The following CALD1 variants were observed in gnomAD, a reference collection of about 807,000 sequenced individuals.
CALD1 encodes the protein caldesmon.
Under a neutral mutation model 99.9 loss-of-function variants are expected in CALD1, and 33 were observed. That is an observed-to-expected ratio of 0.33 (90% CI 0.25 to 0.44). The LOEUF (loss-of-function observed/expected upper bound fraction) is 0.44. Among genes scored for constraint, CALD1 ranks in the 20% least tolerant of loss-of-function variants. The pLI is 1.00. For synonymous variants in CALD1, 310 were observed against 325.0 expected (o/e 0.95, Z 0.50); for missense variants, 861 against 962.1 (o/e 0.89, Z 1.39).
chr7:134,780,138 C>G (rs1208428283), intron 1 of CALD1, among the ~76,000 whole-genome samples: 1 of 152,140 alleles, frequency 6.6e-6, no homozygotes, highest in Non-Finnish European at 1.5e-5. Flanking sequence ...CTTTTATTGC[C>G]AAAGATTTGA....
intron 2 of CALD1, among the ~76,000 whole-genome samples, chr7:134,850,708 G>A (rs1800040386): frequency 6.6e-6 from 1 of 152,134 alleles, no homozygotes; most frequent in Non-Finnish European, 1.5e-5. Flanking sequence ...GCAACCCAGG[G>A]CCCATGCTGC....
intron 3 of CALD1, among the ~76,000 whole-genome samples, chr7:134,873,784 G>A (rs2132371013): frequency 6.6e-6 from 1 of 152,284 alleles, no homozygotes; most frequent in East Asian, 1.9e-4. Flanking sequence ...CAAAATGGGG[G>A]TAGTAAAAGT....
At chr7:134,842,568 TGTTA>T (rs1368204450) in intron 1 of CALD1, among the ~76,000 whole-genome samples, 2 of 152,222 alleles carry the variant, frequency 1.3e-5, no homozygotes, top group African/African-American at 4.8e-5. Context: ...TGGGTCTTCT[TGTTA>T]GTTATTTACA....
At position 134,933,565 on chromosome 7, in the gene CALD1, G is replaced by A. The variant is rs1451926997; in HGVS notation, c.796G>A (p.Glu266Lys). ...GGAAGAGGAAGACAAGGAAAGAGCT[G>A]AGGCAGAGAGGGCAAGGTTGGAAGC... ...KMEEEDKERAEAERARLEAEE... is the reference protein window; with the variant it reads ...KMEEEDKERAKAERARLEAEE... Residue 266 changes from glutamate (E) to lysine (K), a missense_variant, in exon 5 of 15, where the codon GAG becomes AAG. Around this residue, in one of 5 missense-constraint regions of CALD1, gnomAD observed 234 missense variants for 233.1 expected, o/e 1.00. Transcript: ENST00000361675. The A allele has an allele frequency of 6.2e-7, 1 of 1,613,594 alleles. No individual in the cohort carries two copies. Among genetic ancestry groups the A allele is most frequent in the African/African-American group, 1.3e-5 (1 of 74,916 alleles).
chr7:134,837,293 T>C (rs1378387806), intron 1 of CALD1, among the ~76,000 whole-genome samples: 3 of 151,924 alleles, frequency 2.0e-5, no homozygotes, highest in African/African-American at 7.2e-5. Context: ...CTAGGTACTT[T>C]ATATGTTATC....
chr7:134,713,580 T>C, the CALD1 span, among the ~76,000 whole-genome samples: 1 of 152,156 alleles, frequency 6.6e-6, no homozygotes, highest in Non-Finnish European at 1.5e-5. Context: ...TTTTTTTAAA[T>C]TGAATTAGTA....
intron 5 of CALD1, among the ~76,000 whole-genome samples, chr7:134,935,293 A>G (rs1049768172): frequency 6.6e-6 from 1 of 152,202 alleles, no homozygotes; most frequent in Non-Finnish European, 1.5e-5. Flanking sequence ...ATGCTTTCAC[A>G]TTCACCTTTC....
chr7:134,726,145 A>C, the CALD1 span, among the ~76,000 whole-genome samples: 2 of 152,092 alleles, frequency 1.3e-5, no homozygotes, highest in East Asian at 3.9e-4. Flanking sequence ...CTAACAAGAT[A>C]AAATCCACAA....
chr7:134,846,916 T>C (rs941801305), intron 2 of CALD1, among the ~76,000 whole-genome samples: 2 of 152,240 alleles, frequency 1.3e-5, no homozygotes, highest in African/African-American at 4.8e-5. Flanking sequence ...AAATTACTAA[T>C]TATATCAAAT....
At chr7:134,825,957 A>C (rs1798973553) in intron 1 of CALD1, among the ~76,000 whole-genome samples, 1 of 152,010 alleles carries the variant, frequency 6.6e-6, no homozygotes, top group Non-Finnish European at 1.5e-5. Context: ...AGGTTTCAAG[A>C]ATCTCCAAAC....
chr7:134,941,746 C>T (rs942979476), intron 7 of CALD1, among the ~76,000 whole-genome samples: 3 of 152,130 alleles, frequency 2.0e-5, no homozygotes, highest in African/African-American at 7.2e-5. Flanking sequence ...TTCTTTACCA[C>T]ATGACTTTGA....
At chr7:134,717,331 C>T in the CALD1 span, among the ~76,000 whole-genome samples, 1 of 152,112 alleles carries the variant, frequency 6.6e-6, no homozygotes, top group Non-Finnish European at 1.5e-5. Flanking sequence ...GTGTCACCAC[C>T]CAAAGGACCA....
the CALD1 span, among the ~76,000 whole-genome samples, chr7:134,735,633 T>C: frequency 6.6e-6 from 1 of 151,202 alleles, no homozygotes; most frequent in Non-Finnish European, 1.5e-5. Context: ...AACTTGTTCT[T>C]AGCAGAAATA....
At chr7:134,929,277 A>G (rs1338207986) in intron 4 of CALD1, among the ~76,000 whole-genome samples, 2 of 152,024 alleles carry the variant, frequency 1.3e-5, no homozygotes, top group Non-Finnish European at 2.9e-5. Context: ...TTGGGGGAAC[A>G]GGTGGGGTTT....
chr7:134,881,262 G>A (rs1387255608), intron 3 of CALD1, among the ~76,000 whole-genome samples: 1 of 152,104 alleles, frequency 6.6e-6, no homozygotes, highest in Non-Finnish European at 1.5e-5. Context: ...TCAGTGGCAG[G>A]GTCAAATCTG....
chr7:134,967,718 G>GA (rs1008458761), intron 14 of CALD1, among the ~76,000 whole-genome samples: 6 of 151,730 alleles, frequency 4.0e-5, no homozygotes, highest in Admixed American at 1.3e-4. Context: ...GCTTAAAAAT[G>GA]AAAAAAACAA....
chr7:134,952,574 G>A (rs546249818), intron 9 of CALD1, among the ~76,000 whole-genome samples: 2 of 151,448 alleles, frequency 1.3e-5, no homozygotes, highest in African/African-American at 4.8e-5. Context: ...AGGTTCAAGC[G>A]ATTCTTCTGC....
chr7:134,770,031 A>ATGG (rs1796864274), intron 1 of CALD1, among the ~76,000 whole-genome samples: 1 of 151,998 alleles, frequency 6.6e-6, no homozygotes, highest in Admixed American at 6.5e-5. Context: ...TTTGAACAGA[A>ATGG]ATTTTTATTT....
At chr7:134,742,446 C>T (rs927465907), upstream of CALD1, among the ~76,000 whole-genome samples, 3 of 152,180 alleles carry the variant, frequency 2.0e-5, no homozygotes, top group African/African-American at 7.2e-5. Flanking sequence ...ACATTCCAGG[C>T]TCCCAGCCTC....
Sources: allele counts gnomAD v4.1 joint callset (sites outside exome capture counted in the v4.1 genomes callset), GRCh38; gene constraint gnomAD v4.1.1; regional missense constraint gnomAD v4.1.1; transcripts MANE v1.5; gene names NCBI Gene and HGNC (gene_info 2026-07-23, HGNC 2026-07-21).